The following CCDC91 variants were observed in gnomAD, a reference collection of about 807,000 sequenced individuals.
CCDC91 encodes coiled-coil domain containing 91, also known as coiled-coil domain-containing protein 91.
A neutral mutation model predicts 63.2 loss-of-function variants in CCDC91; 48 were observed. The ratio of observed to expected loss-of-function variants is 0.76; its 90% CI spans 0.60 to 0.97. The LOEUF is 0.97. Among genes scored for constraint, CCDC91 ranks in the 50% least tolerant of loss-of-function variants. The probability of loss-of-function intolerance (pLI) is 0.00; values close to 1 mark genes in which losing one functional copy is unlikely to be tolerated. For missense variants in CCDC91, 500 were observed against 494.6 expected (o/e 1.01, Z -0.10); for synonymous variants, 167 against 165.8 (o/e 1.01, Z -0.06).
chr12:28,309,349 C>T (rs1022202673), intron 6 of CCDC91, among the ~76,000 whole-genome samples: 4 of 151,858 alleles, frequency 2.6e-5, no homozygotes, highest in Non-Finnish European at 5.9e-5. Context: ...TGAAGAGATG[C>T]GAATAATTCT....
At chr12:28,473,571 T>C (rs1950929134) in intron 11 of CCDC91, among the ~76,000 whole-genome samples, 1 of 152,162 alleles carries the variant, frequency 6.6e-6, no homozygotes, top group Non-Finnish European at 1.5e-5. Flanking sequence ...ACTGAATTAG[T>C]GTTTCTCACC....
At chr12:28,401,921 A>G (rs554048948) in intron 8 of CCDC91, among the ~76,000 whole-genome samples, 1 of 152,280 alleles carries the variant, frequency 6.6e-6, no homozygotes, top group Non-Finnish European at 1.5e-5. Flanking sequence ...ATACAGTGTG[A>G]TGAGACAGTC....
At chr12:28,268,007 A>G (rs943473124) in intron 3 of CCDC91, among the ~76,000 whole-genome samples, 37 of 126,722 alleles carry the variant, frequency 2.9e-4, no homozygotes, top group Non-Finnish European at 4.7e-4. Flanking sequence ...ATACTTAATT[A>G]TATGATTAAT....
chr12:28,441,243 A>G (rs1949191023), intron 8 of CCDC91, among the ~76,000 whole-genome samples: 1 of 152,040 alleles, frequency 6.6e-6, no homozygotes, highest in Non-Finnish European at 1.5e-5. Flanking sequence ...ACAGACTGAA[A>G]TCACCAAATG....
At chr12:28,505,190 A>C (rs1436383463) in intron 12 of CCDC91, among the ~76,000 whole-genome samples, 1 of 151,782 alleles carries the variant, frequency 6.6e-6, no homozygotes, top group African/African-American at 2.4e-5. Flanking sequence ...CCTTTTTTCT[A>C]ATTTGGGATG....
intron 2 of CCDC91, among the ~76,000 whole-genome samples, chr12:28,258,997 AT>A (rs1299922071): frequency 6.6e-6 from 1 of 152,006 alleles, no homozygotes; most frequent in African/African-American, 2.4e-5. Context: ...TGGTGTCTAT[AT>A]TTTTTAAAGA....
At chr12:28,268,583 T>C (rs1400489188) in intron 3 of CCDC91, 1 of 757,672 alleles carries the variant, frequency 1.3e-6, no homozygotes, top group Non-Finnish European at 1.6e-6. Flanking sequence ...AGTCTCCCCT[T>C]TGGTTCTGGA....
intron 1 of CCDC91, among the ~76,000 whole-genome samples, chr12:28,221,772 C>A (rs535567055): frequency 6.6e-6 from 1 of 152,150 alleles, no homozygotes; most frequent in Admixed American, 6.6e-5. Flanking sequence ...TTTTGTTGTT[C>A]TTTTCCTGTC....
intron 7 of CCDC91, among the ~76,000 whole-genome samples, chr12:28,375,551 AAAAC>A (rs1258600461): frequency 2.0e-5 from 3 of 152,016 alleles, no homozygotes; most frequent in Admixed American, 6.6e-5. Flanking sequence ...AGTACAAAAG[AAAAC>A]AAACAAAACT....
At chr12:28,251,915 CTA>C (rs1463414139) in intron 1 of CCDC91, among the ~76,000 whole-genome samples, 10 of 152,036 alleles carry the variant, frequency 6.6e-5, no homozygotes, top group Non-Finnish European at 1.2e-4. Context: ...TTTCCTAATC[CTA>C]TGTCTTTTTC....
intron 8 of CCDC91, among the ~76,000 whole-genome samples, chr12:28,415,456 GTGA>G (rs1947591741): frequency 6.6e-6 from 1 of 152,100 alleles, no homozygotes; most frequent in Non-Finnish European, 1.5e-5. Context: ...CTGACCTCAG[GTGA>G]TCCGCCTGCC....
At chr12:28,494,207 A>C (rs917756637) in intron 12 of CCDC91, among the ~76,000 whole-genome samples, 2 of 151,774 alleles carry the variant, frequency 1.3e-5, no homozygotes, top group Middle Eastern at 3.4e-3. Context: ...TCTAACACCC[A>C]TTGAATCTAT....
At chr12:28,421,738 G>A (rs1948027123) in intron 8 of CCDC91, among the ~76,000 whole-genome samples, 1 of 151,966 alleles carries the variant, frequency 6.6e-6, no homozygotes, top group African/African-American at 2.4e-5. Flanking sequence ...TGTGTTTACA[G>A]TCTGCCTGTT....
At chr12:28,509,831 G>T (rs1304260774) in intron 12 of CCDC91, among the ~76,000 whole-genome samples, 1 of 151,954 alleles carries the variant, frequency 6.6e-6, no homozygotes, top group African/African-American at 2.4e-5. Flanking sequence ...GTAGACTCAT[G>T]TGTAAAGACT....
chr12:28,430,944 C>T (rs1322284068), intron 8 of CCDC91, among the ~76,000 whole-genome samples: 1 of 152,058 alleles, frequency 6.6e-6, no homozygotes, highest in Non-Finnish European at 1.5e-5. Context: ...CATGAATGGC[C>T]TGTACTTGCT....
intron 11 of CCDC91, 42 bp from the exon 12 acceptor site, chr12:28,484,010 A>G: frequency 1.7e-6 from 2 of 1,176,298 alleles, no homozygotes; most frequent in Non-Finnish European, 2.5e-6. Flanking sequence ...GATATGTCAT[A>G]GTGCTCACCT....
chr12:28,465,409 G>T (rs1950503133), intron 11 of CCDC91, among the ~76,000 whole-genome samples: 1 of 152,202 alleles, frequency 6.6e-6, no homozygotes, highest in Non-Finnish European at 1.5e-5. Flanking sequence ...ATGCTGTGCT[G>T]GCTTCAGGTC....
At chr12:28,278,608 A>G (rs1052455626) in intron 3 of CCDC91, among the ~76,000 whole-genome samples, 2 of 152,054 alleles carry the variant, frequency 1.3e-5, no homozygotes, top group Admixed American at 6.6e-5. Context: ...TTTATTCAGT[A>G]TAGTTAGGAC....
chr12:28,292,587 T>TAA (rs1949318228), intron 3 of CCDC91, among the ~76,000 whole-genome samples: 1 of 152,124 alleles, frequency 6.6e-6, no homozygotes, highest in African/African-American at 2.4e-5. Flanking sequence ...TGTGTTTAGG[T>TAA]ATCTAGCTCT....
Sources: gnomAD v4.1 joint callset for allele counts (sites outside exome capture counted in the v4.1 genomes callset) on GRCh38, gnomAD v4.1.1 for gene constraint, MANE v1.5 for transcripts, NCBI Gene and HGNC (gene_info 2026-07-23, HGNC 2026-07-21) for gene names.